FGF12: variants seen among roughly 807,000 people sequenced by gnomAD.
FGF12 encodes the protein fibroblast growth factor 12.
Under a neutral mutation model 23.6 loss-of-function variants are expected in FGF12, and 14 were observed. The ratio of observed to expected loss-of-function variants is 0.59; its 90% CI spans 0.39 to 0.93. FGF12 has a LOEUF of 0.93. FGF12 is among the 40% of genes least tolerant of loss of function. FGF12 has a pLI of 0.00. For synonymous variants in FGF12, 62 were observed against 77.3 expected, an observed-to-expected ratio of 0.80 and a Z score of 1.04; for missense variants, 175 against 217.8, an observed-to-expected ratio of 0.80 and a Z score of 1.24.
At chr3:192,660,240 C>G (rs1171560696) in intron 2 of FGF12, among the ~76,000 whole-genome samples, 2 of 151,236 alleles carry the variant, frequency 1.3e-5, no homozygotes, top group African/African-American at 4.9e-5. Flanking sequence ...AACCATCATT[C>G]TCAGCAAACT....
At chr3:192,338,981 A>G (rs1717554733) in intron 3 of FGF12, among the ~76,000 whole-genome samples, 1 of 152,192 alleles carries the variant, frequency 6.6e-6, no homozygotes, top group Non-Finnish European at 1.5e-5. Flanking sequence ...AGGAAAAGCA[A>G]CTATAAAGTT....
chr3:192,339,597 C>G (rs1242340078), intron 3 of FGF12, among the ~76,000 whole-genome samples: 3 of 152,116 alleles, frequency 2.0e-5, no homozygotes, highest in African/African-American at 7.2e-5. Context: ...CTTTTGTCCT[C>G]TATCTCTTTT....
At chr3:192,478,560 C>T (rs1436834546) in intron 2 of FGF12, among the ~76,000 whole-genome samples, 4 of 151,980 alleles carry the variant, frequency 2.6e-5, no homozygotes, top group Non-Finnish European at 5.9e-5. Flanking sequence ...TGATCATTCC[C>T]TAAGTATAAC....
chr3:192,583,679 T>C (rs538271785), intron 2 of FGF12, among the ~76,000 whole-genome samples: 33 of 152,330 alleles, frequency 2.2e-4, no homozygotes, highest in Admixed American at 1.2e-3. Flanking sequence ...AGTCTTGACA[T>C]CTGACCTGTT....
In FGF12 at chr3:192,393,166, C is replaced by A. The variant is rs79435764; in HGVS notation, c.14-32628G>T. Among the ~76,000 whole-genome samples, 5 of 152,290 alleles carry A rather than the reference C, an allele frequency of 3.3e-5. 1 individual carries two copies. ...GTCATTGGTAAGGTGACTCATCCAA[C>A]AAATATATTTTATGTGACATCTACG... On this transcript the variant is annotated intron_variant, in intron 2 of 5. Transcript: ENST00000445105.
Position 192,336,192 on chromosome 3 carries a change from A to T in FGF12, c.125-728T>A, listed in dbSNP as rs903950052. 6.7e-6 allele frequency among the ~76,000 whole-genome samples: 1 copy of T among 150,364 alleles called. No homozygotes were observed. The highest frequency in any genetic ancestry group is 6.6e-5 in the Admixed American group (1 of 15,124). On this transcript the variant is annotated intron_variant, in intron 3 of 5. Transcript: ENST00000445105. This position sits in a 1 kb window ranked among gnomAD's most constrained non-coding sequence, Gnocchi z 4.3. ...TACAAATATATATACACATATATAT[A>T]TGCACACACACACACATATACTCAA... is the stretch of plus-strand genomic sequence containing the variant.
At chr3:192,154,597 C>G (rs147949640) in intron 5 of FGF12, among the ~76,000 whole-genome samples, 2 of 151,520 alleles carry the variant, frequency 1.3e-5, no homozygotes, top group Non-Finnish European at 2.9e-5. Flanking sequence ...TGTGCCCCTG[C>G]TGGGCGGTGC....
At chr3:192,431,611 A>G (rs1721862232) in intron 2 of FGF12, among the ~76,000 whole-genome samples, 1 of 152,204 alleles carries the variant, frequency 6.6e-6, no homozygotes, top group African/African-American at 2.4e-5. Flanking sequence ...CAATTCTGAT[A>G]GAATCACAGA....
chr3:192,578,957 T>A (rs993878710), intron 2 of FGF12, among the ~76,000 whole-genome samples: 12 of 152,210 alleles, frequency 7.9e-5, no homozygotes, highest in African/African-American at 2.9e-4. Context: ...AAAATACCAA[T>A]TGAAGACCTC....
chr3:192,416,835 G>A (rs909872660), intron 2 of FGF12, among the ~76,000 whole-genome samples: 1 of 152,074 alleles, frequency 6.6e-6, no homozygotes, highest in African/African-American at 2.4e-5. Flanking sequence ...GTGTGTCTGC[G>A]AAGTCTACAG....
In FGF12 at chr3:192,716,262, G is replaced by A. The variant is rs377550260; in HGVS notation, c.13+10919C>T. 1.9e-4 allele frequency among the ~76,000 whole-genome samples: 29 copies of A among 152,320 alleles called. No individual in the cohort carries two copies. The East Asian group carries it at 5.4e-3, about 28-fold the overall frequency. ...CTTAAGTTGGAAAACTGGTCAGAAA[G>A]TTGTCCTTACGATTCTGACATAAAC... is the stretch of plus-strand genomic sequence containing the variant. On this transcript the variant is annotated intron_variant, in intron 2 of 5. Coordinates refer to ENST00000445105, the MANE Select transcript of FGF12 (RefSeq NM_004113.6).
At chr3:192,257,659 G>A (rs1712487458) in intron 4 of FGF12, among the ~76,000 whole-genome samples, 1 of 152,090 alleles carries the variant, frequency 6.6e-6, no homozygotes, top group Non-Finnish European at 1.5e-5. Flanking sequence ...TTAACCAAAT[G>A]TTCTAGTTAT....
intron 2 of FGF12, among the ~76,000 whole-genome samples, chr3:192,656,134 T>C (rs1716408520): frequency 6.6e-6 from 1 of 151,910 alleles, no homozygotes; most frequent in Non-Finnish European, 1.5e-5. Context: ...TGTTAATTAA[T>C]GTACAGCCAT....
intron 2 of FGF12, among the ~76,000 whole-genome samples, chr3:192,536,862 T>C: frequency 6.6e-6 from 1 of 152,132 alleles, no homozygotes; most frequent in Non-Finnish European, 1.5e-5. Flanking sequence ...TTGTTAACTT[T>C]AGTCTCCCCA....
intron 2 of FGF12, among the ~76,000 whole-genome samples, chr3:192,561,171 C>T (rs570625620): frequency 3.3e-5 from 5 of 152,136 alleles, no homozygotes; most frequent in South Asian, 2.1e-4. Context: ...CACAAACACA[C>T]GCACAGCTAT....
At chr3:192,232,285 TA>T (rs1719061719) in intron 4 of FGF12, among the ~76,000 whole-genome samples, 2 of 152,068 alleles carry the variant, frequency 1.3e-5, no homozygotes, top group African/African-American at 4.8e-5. Context: ...AAATAGTAAA[TA>T]AAGAAGGAAT....
Position 192,409,983 on chromosome 3 carries a change from C to A in FGF12, c.14-49445G>T, listed in dbSNP as rs1419992237. On this transcript the variant is annotated intron_variant, in intron 2 of 5. Transcript: ENST00000445105. This position sits in a 1 kb window ranked among gnomAD's most constrained non-coding sequence, Gnocchi z 4.8. ...CCCATTCATGGGCTGAGGCTCTGGGCGCGCGGAGCCGCCGCCGCCCCTCCG... is the reference window on the plus strand; with the variant it reads ...CCCATTCATGGGCTGAGGCTCTGGGAGCGCGGAGCCGCCGCCGCCCCTCCG... Among the ~76,000 whole-genome samples, 1 of 151,902 alleles carries A rather than the reference C, an allele frequency of 6.6e-6. No homozygotes were observed. The highest frequency in any genetic ancestry group is 1.5e-5 in the Non-Finnish European group (1 of 67,930).
chr3:192,309,565 A>G (rs528765314), intron 4 of FGF12, among the ~76,000 whole-genome samples: 15 of 152,304 alleles, frequency 9.8e-5, no homozygotes, highest in Admixed American at 8.5e-4. Flanking sequence ...AGGTACAAGC[A>G]GAAAGCTATG....
At chr3:192,568,111 G>A (rs1712425890) in intron 2 of FGF12, among the ~76,000 whole-genome samples, 1 of 152,050 alleles carries the variant, frequency 6.6e-6, no homozygotes, top group Admixed American at 6.6e-5. Flanking sequence ...GAGATTACAG[G>A]TGTGAGCACC....
Sources: gnomAD v4.1 joint callset for allele counts (sites outside exome capture counted in the v4.1 genomes callset) on GRCh38, gnomAD v4.1.1 for gene constraint, Gnocchi (gnomAD v3.1) non-coding constraint, MANE v1.5 for transcripts, NCBI Gene and HGNC (gene_info 2026-07-23, HGNC 2026-07-21) for gene names.